CUX2: variants seen among roughly 807,000 people sequenced by gnomAD.
CUX2 encodes the protein homeobox protein cut-like 2.
CUX2 carries 40 observed loss-of-function variants against 144.8 expected under a neutral mutation model. The ratio of observed to expected loss-of-function variants is 0.28; its 90% CI spans 0.21 to 0.36. CUX2 has a LOEUF of 0.36. Ranked by LOEUF, CUX2 falls within the 10% of genes least tolerant of loss-of-function variation. The pLI is 1.00. For synonymous variants in CUX2, 827 were observed against 875.6 expected (o/e 0.94, Z 0.98); for missense variants, 1,615 against 1,994.0 (o/e 0.81, Z 3.62).
intron 1 of CUX2, among the ~76,000 whole-genome samples, chr12:111,095,175 G>A (rs1872748543): frequency 6.6e-6 from 1 of 152,130 alleles, no homozygotes; most frequent in African/African-American, 2.4e-5. Context: ...GAGCATGAGG[G>A]TGGCCAGGCG....
chr12:111,057,298 T>TGTGTGAG lies in CUX2; in HGVS notation c.63+23060_63+23066dup, dbSNP rs1298386101. ...AGCTGGAGTGGATGTTACAGGAAGC[T>TGTGTGAG]GTGTGAGGGCAATGGGTGTGGCAGG... On this transcript the variant is annotated intron_variant, in intron 1 of 21. Coordinates refer to ENST00000261726, the MANE Select transcript of CUX2 (RefSeq NM_015267.4). This position sits in a 1 kb window ranked among gnomAD's most constrained non-coding sequence, Gnocchi z 5.1. Among the ~76,000 whole-genome samples the TGTGTGAG allele has an allele frequency of 6.6e-6, 1 of 151,786 alleles. No homozygotes were observed. The highest frequency in any genetic ancestry group is 1.5e-5 in the Non-Finnish European group (1 of 67,936).
intron 1 of CUX2, among the ~76,000 whole-genome samples, chr12:111,101,311 G>T (rs1021338930): frequency 6.6e-6 from 1 of 152,040 alleles, no homozygotes; most frequent in Non-Finnish European, 1.5e-5. Context: ...AGACTGTCAG[G>T]GTCCCCCAGA....
chr12:111,207,918 C>T (rs1358921031), intron 1 of CUX2, among the ~76,000 whole-genome samples: 1 of 152,060 alleles, frequency 6.6e-6, no homozygotes, highest in African/African-American at 2.4e-5. Context: ...AGATCAACCA[C>T]AAAGACAGAA....
intron 1 of CUX2, among the ~76,000 whole-genome samples, chr12:111,053,203 C>T (rs1172483631): frequency 6.6e-6 from 1 of 152,218 alleles, no homozygotes; most frequent in African/African-American, 2.4e-5. Flanking sequence ...CCCAGCACGG[C>T]GCCTGGCACA....
chr12:111,266,304 C>G (rs1344240692), intron 4 of CUX2, among the ~76,000 whole-genome samples: 1 of 151,898 alleles, frequency 6.6e-6, no homozygotes, highest in Non-Finnish European at 1.5e-5. Context: ...TGGGGAAACC[C>G]CATGTCTACT....
rs117905240 is a variant in CUX2 at position 111,292,752 on chromosome 12, G to A, written c.437-694G>A. 3.2e-3 allele frequency among the ~76,000 whole-genome samples: 488 copies of A among 152,294 alleles called. 2 individuals carry two copies. The highest frequency in any genetic ancestry group is 5.2e-3 in the Non-Finnish European group (354 of 68,020). ...AGGGCTGCAGGAAGGGGAATGGGGA[G>A]TTGTTTAATGGGTATGAGGGGTTTC... On this transcript the variant is annotated intron_variant, in intron 5 of 21. Transcript: ENST00000261726.
intron 21 of CUX2, among the ~76,000 whole-genome samples, chr12:111,346,918 A>G (rs891610430): frequency 1.3e-5 from 2 of 152,192 alleles, no homozygotes; most frequent in African/African-American, 4.8e-5. Context: ...AGGCTGAGGC[A>G]GGAGAATTGC....
intron 3 of CUX2, among the ~76,000 whole-genome samples, chr12:111,243,496 C>CTTTTTTTTTTTTTT (rs761276935): frequency 1.2e-5 from 1 of 80,028 alleles, no homozygotes; most frequent in African/African-American, 5.9e-5. Flanking sequence ...GTTGATGTGC[C>CTTTTTTTTTTTTTT]TTTTTTTTTT....
chr12:111,324,626 G>A (rs145247049), intron 18 of CUX2, among the ~76,000 whole-genome samples: 4,961 of 151,946 alleles, frequency 0.033, 218 homozygotes, highest in East Asian at 0.13. Flanking sequence ...TCAGCCTCCC[G>A]AGTAGCTGGG....
At chr12:111,254,256 G>T (rs997781978) in intron 3 of CUX2, among the ~76,000 whole-genome samples, 3 of 151,966 alleles carry the variant, frequency 2.0e-5, no homozygotes, top group African/African-American at 7.2e-5. Flanking sequence ...GGTGCCTGGT[G>T]CTTCTCCAGA....
chr12:111,312,302 G>C lies in CUX2; in HGVS notation c.2002+101G>C. Reference sequence around the variant, plus strand: ...TTTGTCCACCCCAGAGGGAATCCAAGGTGGATCAGAACCACCAGAGGCCAG... The same window carrying C: ...TTTGTCCACCCCAGAGGGAATCCAACGTGGATCAGAACCACCAGAGGCCAG... On this transcript the variant is annotated intron_variant, in intron 16 of 21. Transcript: ENST00000261726. This position sits in a 1 kb window ranked among gnomAD's most constrained non-coding sequence, Gnocchi z 4.3. The C allele has an allele frequency of 9.3e-7, 1 of 1,080,424 alleles. No homozygotes were observed. Among genetic ancestry groups the C allele is most frequent in the Non-Finnish European group, 1.3e-6 (1 of 746,424 alleles). The allele number at this position is 1,080,424 out of a possible 1,614,324, so 66.9% of individuals were successfully genotyped here.
intron 3 of CUX2, among the ~76,000 whole-genome samples, chr12:111,229,753 G>T (rs551056942): frequency 6.6e-6 from 1 of 152,186 alleles, no homozygotes; most frequent in East Asian, 1.9e-4. Context: ...AAGCACAGTG[G>T]CTCACGCTTA....
chr12:111,318,515 A>G (rs1161348768), intron 16 of CUX2, among the ~76,000 whole-genome samples: 3 of 150,934 alleles, frequency 2.0e-5, no homozygotes, highest in Non-Finnish European at 4.4e-5. Context: ...CAGGAGTTTG[A>G]GACCACAGAG....
At chr12:111,311,609 T>A (rs1271008252) in intron 15 of CUX2, among the ~76,000 whole-genome samples, 2 of 148,636 alleles carry the variant, frequency 1.3e-5, no homozygotes, top group East Asian at 4.0e-4. Flanking sequence ...TATTATTTTT[T>A]TTTTTTTGAG....
chr12:111,303,216 G>A (rs1358642961), intron 9 of CUX2, among the ~76,000 whole-genome samples: 14 of 80,928 alleles, frequency 1.7e-4, no homozygotes, highest in East Asian at 1.1e-3. Flanking sequence ...GCGAGACCCT[G>A]TCTCGAAAAA....
At chr12:111,053,761 G>A (rs766250115) in intron 1 of CUX2, among the ~76,000 whole-genome samples, 6 of 152,152 alleles carry the variant, frequency 3.9e-5, no homozygotes, top group African/African-American at 7.2e-5. Context: ...TTGGTCTCCC[G>A]TATCAGACGG....
chr12:111,084,789 C>T lies in CUX2; in HGVS notation c.63+50549C>T, dbSNP rs557160552. ...GACGGCGCTGTATAATGAGGGGCCA[C>T]GTGGCGGGCGGGCTGGTAGACAGCC... On this transcript the variant is annotated intron_variant, in intron 1 of 21. Coordinates refer to ENST00000261726, the MANE Select transcript of CUX2 (RefSeq NM_015267.4). Among the ~76,000 whole-genome samples the T allele has an allele frequency of 1.3e-4, 20 of 152,226 alleles. No individual in the cohort carries two copies. In the East Asian group the frequency reaches 3.7e-3, roughly 28 times the overall value.
intron 18 of CUX2, among the ~76,000 whole-genome samples, chr12:111,328,158 C>T (rs1887905781): frequency 6.6e-6 from 1 of 152,140 alleles, no homozygotes; most frequent in Non-Finnish European, 1.5e-5. Context: ...ACCCTCACAG[C>T]CTCTGCTTGT....
chr12:111,338,041 GAA>G, intron 19 of CUX2, among the ~76,000 whole-genome samples: 1 of 136,906 alleles, frequency 7.3e-6, no homozygotes, highest in African/African-American at 2.7e-5. Flanking sequence ...CTCAAAAAAA[GAA>G]AAAAAAAAAA....
Sources: gnomAD v4.1 joint callset for allele counts (sites outside exome capture counted in the v4.1 genomes callset) on GRCh38, gnomAD v4.1.1 for gene constraint, Gnocchi (gnomAD v3.1) non-coding constraint, MANE v1.5 for transcripts, NCBI Gene and HGNC (gene_info 2026-07-23, HGNC 2026-07-21) for gene names.